Variants in ANKS1B observed in about 807,000 individuals in gnomAD.
ANKS1B encodes ankyrin repeat and sterile alpha motif domain-containing protein 1B.
A neutral mutation model predicts 148.3 loss-of-function variants in ANKS1B; 36 were observed. The ratio of observed to expected loss-of-function variants is 0.24; its 90% CI spans 0.19 to 0.32. ANKS1B has a LOEUF of 0.32. Ranked by LOEUF, ANKS1B falls within the 10% of genes least tolerant of loss-of-function variation. The pLI is 1.00. For missense variants in ANKS1B, 1,157 were observed against 1,542.6 expected (o/e 0.75, Z 4.19); for synonymous variants, 542 against 560.8 (o/e 0.97, Z 0.47).
At chr12:98,855,317 G>A (rs1235558551) in intron 17 of ANKS1B, among the ~76,000 whole-genome samples, 1 of 152,236 alleles carries the variant, frequency 6.6e-6, no homozygotes, top group Non-Finnish European at 1.5e-5. Flanking sequence ...GAGAGTTGAA[G>A]GAGGCAGTGG....
chr12:99,235,738 A>C (rs1281878604), intron 14 of ANKS1B, among the ~76,000 whole-genome samples: 1 of 152,176 alleles, frequency 6.6e-6, no homozygotes, highest in African/African-American at 2.4e-5. Flanking sequence ...TCTAATGCAA[A>C]CCTGTATTTC....
In ANKS1B at chr12:99,168,708, G is replaced by A. The variant is rs541810710; in HGVS notation, c.2420-14313C>T. Among the ~76,000 whole-genome samples the A allele has an allele frequency of 2.6e-5, 4 of 152,160 alleles. 1 individual carries two copies. Among genetic ancestry groups the A allele is most frequent in the African/African-American group, 7.2e-5 (3 of 41,512 alleles). ...CATCTAGGTAAAAGCTCTAGGCAGC[G>A]GGAACAGTAAATTTGAGGACCAATG... is the stretch of plus-strand genomic sequence containing the variant. On this transcript the variant is annotated intron_variant, in intron 14 of 26. Coordinates refer to ENST00000683438, the MANE Select transcript of ANKS1B (RefSeq NM_001352186.2).
At chr12:99,132,626 G>A (rs1456284068) in intron 15 of ANKS1B, among the ~76,000 whole-genome samples, 1 of 152,176 alleles carries the variant, frequency 6.6e-6, no homozygotes, top group Non-Finnish European at 1.5e-5. Context: ...AGGGGGGCTT[G>A]AGAGTTTAAC....
intron 17 of ANKS1B, among the ~76,000 whole-genome samples, chr12:98,906,175 C>T (rs1215648883): frequency 6.6e-6 from 1 of 152,188 alleles, no homozygotes; most frequent in African/African-American, 2.4e-5. Context: ...CTGCTTTCTC[C>T]TACTATGATG....
chr12:99,967,475 G>C (rs1043245620), intron 1 of ANKS1B, among the ~76,000 whole-genome samples: 5 of 152,144 alleles, frequency 3.3e-5, no homozygotes, highest in African/African-American at 1.2e-4. Flanking sequence ...CTGGAGTGCA[G>C]TGGTGTAATC....
At chr12:99,380,660 T>C (rs1003399092) in intron 12 of ANKS1B, among the ~76,000 whole-genome samples, 19 of 152,210 alleles carry the variant, frequency 1.2e-4, no homozygotes, top group Non-Finnish European at 1.9e-4. Context: ...TGTTGATATA[T>C]TGATTAGAAA....
At chr12:99,519,586 C>T (rs2096854952) in intron 9 of ANKS1B, among the ~76,000 whole-genome samples, 2 of 151,940 alleles carry the variant, frequency 1.3e-5, no homozygotes, top group South Asian at 4.2e-4. Flanking sequence ...TATCTTTTTC[C>T]ATCCTTTTAT....
At chr12:98,772,986 C>T (rs1285236313) in intron 25 of ANKS1B, 56 bp downstream of exon 25, 2 of 1,590,662 alleles carry the variant, frequency 1.3e-6, no homozygotes, top group Non-Finnish European at 1.7e-6. Context: ...GCTTTCAATA[C>T]AGTCCAGGCC....
chr12:98,948,926 G>A (rs2099849637), intron 17 of ANKS1B, among the ~76,000 whole-genome samples: 1 of 146,740 alleles, frequency 6.8e-6, no homozygotes, highest in Non-Finnish European at 1.5e-5. Context: ...TTCCAAAGGG[G>A]TGAGATATGA....
intron 1 of ANKS1B, among the ~76,000 whole-genome samples, chr12:99,954,212 C>T (rs1192793971): frequency 6.6e-6 from 1 of 152,106 alleles, no homozygotes; most frequent in Non-Finnish European, 1.5e-5. Flanking sequence ...AAAGGACTTC[C>T]TTTTGTATTT....
chr12:99,572,675 T>C (rs1180401178), intron 9 of ANKS1B, among the ~76,000 whole-genome samples: 2 of 152,016 alleles, frequency 1.3e-5, no homozygotes, highest in African/African-American at 4.8e-5. Context: ...TTTCATGTTG[T>C]AATATAATTT....
chr12:99,587,684 A>G (rs2097656865), intron 9 of ANKS1B, among the ~76,000 whole-genome samples: 2 of 152,214 alleles, frequency 1.3e-5, no homozygotes, highest in African/African-American at 2.4e-5. Context: ...TACTGCCTCA[A>G]TACAATTTAG....
At chr12:99,754,420 A>T (rs1237379218) in intron 8 of ANKS1B, among the ~76,000 whole-genome samples, 1 of 152,160 alleles carries the variant, frequency 6.6e-6, no homozygotes, top group Non-Finnish European at 1.5e-5. Flanking sequence ...AAACTTTAAT[A>T]CTCCACTGAC....
chr12:99,411,115 G>A (rs2094688699), intron 11 of ANKS1B, among the ~76,000 whole-genome samples: 1 of 152,152 alleles, frequency 6.6e-6, no homozygotes, highest in African/African-American at 2.4e-5. Context: ...TGGAAAGTGG[G>A]AAAACAGTTA....
At chr12:99,315,948 G>A (rs535407867) in intron 12 of ANKS1B, among the ~76,000 whole-genome samples, 3 of 152,060 alleles carry the variant, frequency 2.0e-5, no homozygotes, top group Admixed American at 2.0e-4. Flanking sequence ...GCAATACTTT[G>A]CTCAGAATGA....
At chr12:99,444,994 G>T (rs1039907007) in intron 10 of ANKS1B, among the ~76,000 whole-genome samples, 5 of 151,838 alleles carry the variant, frequency 3.3e-5, no homozygotes, top group Non-Finnish European at 5.9e-5. Flanking sequence ...TCCAGACAAA[G>T]GCCCATAAAA....
intron 17 of ANKS1B, among the ~76,000 whole-genome samples, chr12:98,970,985 C>T (rs953724821): frequency 6.6e-6 from 1 of 152,134 alleles, no homozygotes; most frequent in African/African-American, 2.4e-5. Flanking sequence ...CCCCCCACCC[C>T]AAATTTCAGA....
chr12:99,097,348 T>G (rs945605373), intron 15 of ANKS1B: 1 of 152,166 alleles, frequency 6.6e-6, no homozygotes, highest in Non-Finnish European at 1.5e-5. Context: ...TCTCATGATT[T>G]GATTTTCATC....
At chr12:99,355,543 A>C (rs186645527) in intron 12 of ANKS1B, among the ~76,000 whole-genome samples, 6 of 152,244 alleles carry the variant, frequency 3.9e-5, no homozygotes, top group South Asian at 2.1e-4. Flanking sequence ...CTGCAAAAAG[A>C]AGCTCACTTC....
Sources: gnomAD v4.1 joint callset for allele counts (sites outside exome capture counted in the v4.1 genomes callset) on GRCh38, gnomAD v4.1.1 for gene constraint, MANE v1.5 for transcripts, NCBI Gene and HGNC (gene_info 2026-07-23, HGNC 2026-07-21) for gene names.